TENM2: variants seen among roughly 807,000 people sequenced by gnomAD.
TENM2 encodes the protein teneurin-2.
A neutral mutation model predicts 245.2 loss-of-function variants in TENM2; 52 were observed. That is an observed-to-expected ratio of 0.21 (90% CI 0.17 to 0.27). TENM2 has a LOEUF of 0.27. Ranked by LOEUF, TENM2 falls within the 10% of genes least tolerant of loss-of-function variation. The pLI is 1.00. For synonymous variants in TENM2, 1,363 were observed against 1,438.9 expected (o/e 0.95, Z 1.19); for missense variants, 3,046 against 3,666.8 (o/e 0.83, Z 4.37).
chr5:167,735,471 C>G (rs1760731917), intron 2 of TENM2, among the ~76,000 whole-genome samples: 1 of 152,154 alleles, frequency 6.6e-6, no homozygotes, highest in Non-Finnish European at 1.5e-5. Context: ...AAATACTTAG[C>G]AGATTTTTTA....
chr5:167,184,012 A>G, the TENM2 span, among the ~76,000 whole-genome samples: 2 of 152,192 alleles, frequency 1.3e-5, no homozygotes, highest in South Asian at 2.1e-4. Context: ...TGAAACCTCT[A>G]TATTCAGAAA....
At chr5:168,063,047 T>C (rs1361009416) in intron 7 of TENM2, among the ~76,000 whole-genome samples, 1 of 152,236 alleles carries the variant, frequency 6.6e-6, no homozygotes, top group East Asian at 1.9e-4. Context: ...AAATAAATGC[T>C]AATATCCCAA....
chr5:167,622,608 T>C (rs1778248094), intron 2 of TENM2, among the ~76,000 whole-genome samples: 1 of 152,258 alleles, frequency 6.6e-6, no homozygotes, highest in Non-Finnish European at 1.5e-5. Context: ...CATTAAGCCA[T>C]TCCACAAGGT....
chr5:168,225,938 T>C (rs1284035375), intron 23 of TENM2, 150 bp from the exon 26 acceptor site: 1 of 620,208 alleles, frequency 1.6e-6, no homozygotes, highest in Non-Finnish European at 2.8e-6. Flanking sequence ...CATAATAGGG[T>C]TTTGACTGTG....
rs181900178 is a variant in TENM2 at position 167,649,787 on chromosome 5, T to C, written c.503-226199T>C. The stretch of plus-strand genomic sequence containing the variant: ...ATGTGATATATTTGATCCTCTTATA[T>C]GTGAATCCCCTGTCCTCCTCCTATA... On this transcript the variant is annotated intron_variant, in intron 2 of 28. Transcript: ENST00000518659. Among the ~76,000 whole-genome samples the C allele has an allele frequency of 8.9e-4, 135 of 152,324 alleles. 1 individual carries two copies. Among genetic ancestry groups the C allele is most frequent in the South Asian group, 1.7e-3 (8 of 4,828 alleles).
chr5:168,142,695 G>A (rs1448643958), intron 12 of TENM2, among the ~76,000 whole-genome samples: 1 of 152,194 alleles, frequency 6.6e-6, no homozygotes, highest in Admixed American at 6.5e-5. Flanking sequence ...TTTCCTCCCA[G>A]GCTGTGGCTT....
the TENM2 span, among the ~76,000 whole-genome samples, chr5:167,082,628 T>C: frequency 7.2e-5 from 11 of 152,158 alleles, no homozygotes; most frequent in Non-Finnish European, 1.5e-4. Flanking sequence ...ACACAGTTGT[T>C]ACTTCAAGAA....
chr5:167,668,513 G>A (rs907726392), intron 2 of TENM2, among the ~76,000 whole-genome samples: 9 of 152,162 alleles, frequency 5.9e-5, no homozygotes, highest in African/African-American at 2.2e-4. Flanking sequence ...CGCTGTAATG[G>A]AGAAGCAGAT....
chr5:168,160,396 A>G (rs1315631759), intron 12 of TENM2, among the ~76,000 whole-genome samples: 4 of 152,178 alleles, frequency 2.6e-5, no homozygotes, highest in African/African-American at 7.2e-5. Context: ...TTGTGAGGAG[A>G]GGTGTGTAGA....
chr5:167,511,391 AC>A lies in TENM2; in HGVS notation c.502+135919del, dbSNP rs1303542460. Among the ~76,000 whole-genome samples the A allele has an allele frequency of 2.6e-5, 4 of 152,148 alleles. No homozygotes were observed. In the East Asian group the frequency reaches 7.7e-4, roughly 29 times the overall value. On this transcript the variant is annotated intron_variant, in intron 2 of 28. Coordinates refer to ENST00000518659, the Ensembl canonical transcript of TENM2. ...GAAATGGAGATGCCAGGAACACAGA[AC>A]ATTCCTCCTCCTCCCTAGGACAGAG...
intron 2 of TENM2, chr5:167,653,304 G>A (rs1327344060): frequency 1.3e-5 from 2 of 151,970 alleles, no homozygotes; most frequent in East Asian, 1.9e-4. Flanking sequence ...TCACAGGCTG[G>A]AATGCAAGGG....
the TENM2 span, among the ~76,000 whole-genome samples, chr5:167,023,078 T>A: frequency 1.3e-5 from 2 of 152,208 alleles, no homozygotes; most frequent in African/African-American, 2.4e-5. Flanking sequence ...ACTGACCCTC[T>A]TAAATGCTCC....
intron 24 of TENM2, among the ~76,000 whole-genome samples, chr5:168,227,355 G>A (rs1004262875): frequency 6.6e-6 from 1 of 152,034 alleles, no homozygotes; most frequent in Non-Finnish European, 1.5e-5. Flanking sequence ...AGGTGCAGTC[G>A]GCAGTAAAAG....
In TENM2 at chr5:167,658,594, A is replaced by G. The variant is rs190758012; in HGVS notation, c.503-217392A>G. ...CACAGTGAAGAATAAGTTTCAACCC[A>G]TGACTTTTGGAGGATATTCAGACCA... On this transcript the variant is annotated intron_variant, in intron 2 of 28. Coordinates refer to ENST00000518659, the Ensembl canonical transcript of TENM2. Among the ~76,000 whole-genome samples, 8 of 152,262 alleles carry G rather than the reference A, an allele frequency of 5.3e-5. No homozygotes were observed. The East Asian group carries it at 1.5e-3, about 29-fold the overall frequency.
At chr5:167,510,828 T>A (rs942475284) in intron 2 of TENM2, among the ~76,000 whole-genome samples, 4 of 152,200 alleles carry the variant, frequency 2.6e-5, no homozygotes, top group Non-Finnish European at 5.9e-5. Context: ...TTTTGTTGTG[T>A]ATGATGTGCA....
At chr5:167,317,373 C>G (rs1015002887) in intron 1 of TENM2, among the ~76,000 whole-genome samples, 36 of 152,026 alleles carry the variant, frequency 2.4e-4, no homozygotes, top group Admixed American at 7.2e-4. Context: ...ATCTTAGTTG[C>G]TCTTTCATCC....
At chr5:167,878,319 T>C (rs973094191) in intron 3 of TENM2, among the ~76,000 whole-genome samples, 10 of 152,148 alleles carry the variant, frequency 6.6e-5, no homozygotes, top group African/African-American at 2.4e-4. Context: ...CTGATAGCAA[T>C]TTAAGCTTTA....
chr5:167,929,061 GAA>G (rs778106539), intron 3 of TENM2, among the ~76,000 whole-genome samples: 6 of 6,260 alleles, frequency 9.6e-4, no homozygotes, highest in Non-Finnish European at 1.6e-3. Context: ...AAGAAAGAGA[GAA>G]AGAAAGAAAG....
intron 3 of TENM2, chr5:167,938,103 C>A (rs1778877407): frequency 6.6e-6 from 1 of 152,158 alleles, no homozygotes; most frequent in African/African-American, 2.4e-5. Context: ...TAGAATTAAA[C>A]ACAAAAGACA....
Sources: allele counts gnomAD v4.1 joint callset (sites outside exome capture counted in the v4.1 genomes callset), GRCh38; gene constraint gnomAD v4.1.1; transcripts MANE v1.5; gene names NCBI Gene and HGNC (gene_info 2026-07-23, HGNC 2026-07-21).